The following MEIOB variants were observed in gnomAD, a reference collection of about 807,000 sequenced individuals.
The protein encoded by MEIOB is meiosis-specific with OB domain-containing protein.
A neutral mutation model predicts 53.1 loss-of-function variants in MEIOB; 50 were observed. The ratio of observed to expected loss-of-function variants is 0.94; its 90% CI spans 0.75 to 1.19. The LOEUF is 1.19. MEIOB is among the 50% of genes most tolerant of loss of function. The pLI, the probability that MEIOB is intolerant of heterozygous loss-of-function variation, is 0.00. For missense variants in MEIOB, 551 were observed against 550.8 expected (o/e 1.00, Z 0.00); for synonymous variants, 192 against 182.5 (o/e 1.05, Z -0.42).
intron 12 of MEIOB, chr16:1,838,214 G>C (rs542264304): frequency 3.5e-4 from 152 of 431,312 alleles, no homozygotes; most frequent in Non-Finnish European, 3.5e-4. Flanking sequence ...TGCCCAGGGT[G>C]ATCTTGAACT....
At chr16:1,861,616 C>T (rs773756915) in intron 4 of MEIOB, among the ~76,000 whole-genome samples, 7 of 141,214 alleles carry the variant, frequency 5.0e-5, no homozygotes, top group Non-Finnish European at 7.5e-5. Flanking sequence ...GATGTTGGCT[C>T]GCTGCAACCT....
In MEIOB at chr16:1,853,049, T is replaced by C. The variant is rs202153809; in HGVS notation, c.768A>G (p.Thr256=). 8.7e-6 allele frequency: 14 copies of C among 1,609,230 alleles called. No homozygotes were observed. Among genetic ancestry groups the C allele is most frequent in the East Asian group, 4.5e-5 (2 of 44,784 alleles). ...CACAAAGTTTTTTACCTGGATTAGTTGTAATAATGGTTTTTGAGATTACAG... is the reference window on the plus strand; with the variant it reads ...CACAAAGTTTTTTACCTGGATTAGTCGTAATAATGGTTTTTGAGATTACAG... ...TATVISKTII[T]TNPDIPEANI... is the part of the protein sequence containing the mutation. Residue 256 remains threonine, a synonymous_variant, in exon 9 of 14, where the codon ACA becomes ACG. Coordinates refer to ENST00000325962, the MANE Select transcript of MEIOB (RefSeq NM_001163560.3).
chr16:1,844,782 C>A, intron 10 of MEIOB, 80 bp downstream of exon 10: 1 of 678,758 alleles, frequency 1.5e-6, no homozygotes, highest in Admixed American at 2.6e-5. Context: ...AATCTGGTAT[C>A]TTTTACCATG....
chr16:1,841,640 TATA>T (rs1217139525), intron 11 of MEIOB, among the ~76,000 whole-genome samples, 177 bp downstream of exon 11: 2 of 152,258 alleles, frequency 1.3e-5, no homozygotes, highest in Non-Finnish European at 2.9e-5. Flanking sequence ...AAAAGGCAAT[TATA>T]ATATTTTAAT....
At chr16:1,843,689 C>G (rs1212585976) in intron 10 of MEIOB, 1 of 146,706 alleles carries the variant, frequency 6.8e-6, no homozygotes, top group Non-Finnish European at 1.5e-5. Flanking sequence ...CAGAGCCAGA[C>G]TCCATCTCAA....
intron 1 of MEIOB, among the ~76,000 whole-genome samples, chr16:1,869,221 C>G (rs991864754): frequency 3.0e-4 from 46 of 152,060 alleles, no homozygotes; most frequent in African/African-American, 1.1e-3. Context: ...GCCTCCCAGG[C>G]TCAAGCGATT....
chr16:1,860,824 C>T (rs1412035390), intron 4 of MEIOB, among the ~76,000 whole-genome samples: 1 of 152,084 alleles, frequency 6.6e-6, no homozygotes, highest in African/African-American at 2.4e-5. Flanking sequence ...TGAAAGTTAA[C>T]AATACAAGGC....
intron 6 of MEIOB, among the ~76,000 whole-genome samples, chr16:1,855,931 C>CT (rs34688365): frequency 6.6e-4 from 86 of 131,276 alleles, no homozygotes; most frequent in Admixed American, 3.2e-3. Context: ...GTGTTTTTTC[C>CT]TTTTTTTTTT....
intron 9 of MEIOB, among the ~76,000 whole-genome samples, chr16:1,849,890 A>G (rs1899119901): frequency 6.6e-6 from 1 of 152,210 alleles, no homozygotes; most frequent in East Asian, 1.9e-4. Flanking sequence ...GAAGTAGCAC[A>G]TATGTTAATT....
In MEIOB at chr16:1,869,361, G is replaced by C. The variant is rs899892556; in HGVS notation, c.-9-1177C>G. Among the ~76,000 whole-genome samples the C allele has an allele frequency of 3.3e-5, 5 of 152,026 alleles. No homozygotes were observed. The East Asian group carries it at 9.6e-4, about 29-fold the overall frequency. On this transcript the variant is annotated intron_variant, in intron 1 of 13. Transcript: ENST00000325962. ...GCTGGTCTTGAACTCCTGATCTCAA[G>C]TGATCCGGCCGCCCCCAAAGTGCTG...
intron 13 of MEIOB, among the ~76,000 whole-genome samples, chr16:1,836,566 C>T (rs919898254): frequency 6.8e-6 from 1 of 147,364 alleles, no homozygotes; most frequent in Non-Finnish European, 1.5e-5. Context: ...TGCCTTTGGC[C>T]TGGTAGTGAA....
At chr16:1,853,378 C>CACTGA in intron 7 of MEIOB, 107 bp from the exon 8 acceptor site, 2 of 907,036 alleles carry the variant, frequency 2.2e-6, no homozygotes, top group Non-Finnish European at 3.4e-6. Context: ...TGGGGTCAGC[C>CACTGA]ATCCCCAAGG....
At chr16:1,859,469 A>G (rs1224255632) in intron 5 of MEIOB, among the ~76,000 whole-genome samples, 1 of 152,154 alleles carries the variant, frequency 6.6e-6, no homozygotes, top group Non-Finnish European at 1.5e-5. Context: ...TGAACCCAGG[A>G]GTTAGAGGTT....
intron 13 of MEIOB, among the ~76,000 whole-genome samples, chr16:1,837,227 G>A (rs1175807260): frequency 6.6e-6 from 1 of 152,114 alleles, no homozygotes; most frequent in Non-Finnish European, 1.5e-5. Flanking sequence ...GGGTCTCACA[G>A]GCTGAGGTGT....
At chr16:1,837,641 T>C (rs1338789027) in intron 13 of MEIOB, 143 bp downstream of exon 13, 3 of 488,644 alleles carry the variant, frequency 6.1e-6, no homozygotes, top group Non-Finnish European at 1.1e-5. Context: ...TCCTTTGCTT[T>C]TAGGATAGCT....
chr16:1,844,078 C>G (rs907767548), intron 10 of MEIOB, among the ~76,000 whole-genome samples: 1 of 150,672 alleles, frequency 6.6e-6, no homozygotes, highest in Non-Finnish European at 1.5e-5. Flanking sequence ...AGATGTTAAC[C>G]AAATAACTAT....
At chr16:1,863,665 G>A (rs1410939689) in intron 3 of MEIOB, among the ~76,000 whole-genome samples, 2 of 151,662 alleles carry the variant, frequency 1.3e-5, no homozygotes, top group South Asian at 2.1e-4. Context: ...ATGAGCCACC[G>A]TGCCTGATGA....
At chr16:1,839,648 C>T (rs1442724189) in intron 11 of MEIOB, 3 of 492,288 alleles carry the variant, frequency 6.1e-6, no homozygotes, top group Non-Finnish European at 1.1e-5. Context: ...AAACTGCGTA[C>T]ACCAGTCCTC....
intron 10 of MEIOB, 29 bp from the exon 11 acceptor site, chr16:1,842,002 T>C: frequency 7.0e-7 from 1 of 1,426,440 alleles, no homozygotes. Flanking sequence ...ATTACAGTTC[T>C]GTATATATTC....
Sources: gnomAD v4.1 joint callset for allele counts (sites outside exome capture counted in the v4.1 genomes callset) on GRCh38, gnomAD v4.1.1 for gene constraint, MANE v1.5 for transcripts, NCBI Gene and HGNC (gene_info 2026-07-23, HGNC 2026-07-21) for gene names.